Variants in ZNF385B observed in about 807,000 individuals in gnomAD.
ZNF385B encodes the protein zinc finger protein 385B.
In ZNF385B, 23 loss-of-function variants were observed where a neutral mutation model predicts 39.2. The observed-to-expected ratio is 0.59, with a 90% CI of 0.42 to 0.83. ZNF385B has a LOEUF of 0.83. Ranked by LOEUF, ZNF385B falls within the 40% of genes least tolerant of loss-of-function variation. The probability of loss-of-function intolerance (pLI) is 0.00; values close to 1 mark genes in which losing one functional copy is unlikely to be tolerated. For synonymous variants in ZNF385B, 205 were observed against 222.6 expected, an observed-to-expected ratio of 0.92 and a Z score of 0.70; for missense variants, 552 against 598.9, an observed-to-expected ratio of 0.92 and a Z score of 0.82.
intron 3 of ZNF385B, among the ~76,000 whole-genome samples, chr2:179,560,621 T>A (rs1411318141): frequency 6.6e-6 from 1 of 152,108 alleles, no homozygotes; most frequent in African/African-American, 2.4e-5. Context: ...TTCCCACCTG[T>A]CTTTTCTGCC....
At chr2:179,829,721 G>T (rs1319759000) in intron 1 of ZNF385B, among the ~76,000 whole-genome samples, 1 of 152,128 alleles carries the variant, frequency 6.6e-6, no homozygotes, top group South Asian at 2.1e-4. Context: ...CACCGTGTTA[G>T]CCACGATGGT....
intron 6 of ZNF385B, among the ~76,000 whole-genome samples, chr2:179,454,143 T>A (rs2050438861): frequency 6.6e-6 from 1 of 152,184 alleles, no homozygotes; most frequent in African/African-American, 2.4e-5. Flanking sequence ...TCTGACAATG[T>A]CTTTGAGGAA....
Position 179,820,937 on chromosome 2 carries a change from A to G in ZNF385B, c.-155+40164T>C, listed in dbSNP as rs1707361341. 2.0e-5 allele frequency among the ~76,000 whole-genome samples: 3 copies of G among 152,168 alleles called. No homozygotes were observed. The South Asian group carries it at 6.2e-4, about 31-fold the overall frequency. On this transcript the variant is annotated intron_variant, in intron 1 of 9. Transcript: ENST00000410066. The stretch of plus-strand genomic sequence containing the variant: ...TTGGTAAGTCTACACTTACTATGCC[A>G]CATTTATTTTTCATATTCCTATTCT...
chr2:179,699,574 C>A (rs915609409), intron 3 of ZNF385B, among the ~76,000 whole-genome samples: 1 of 152,064 alleles, frequency 6.6e-6, no homozygotes, highest in Non-Finnish European at 1.5e-5. Flanking sequence ...TTGGATAATT[C>A]CTGCTTTCAA....
At chr2:179,550,179 C>G (rs2060480316) in intron 3 of ZNF385B, among the ~76,000 whole-genome samples, 1 of 149,408 alleles carries the variant, frequency 6.7e-6, no homozygotes, top group Non-Finnish European at 1.5e-5. Flanking sequence ...AAGGTATAGA[C>G]TAATTGTACT....
At chr2:179,534,094 T>A (rs2059420523) in intron 4 of ZNF385B, among the ~76,000 whole-genome samples, 2 of 152,210 alleles carry the variant, frequency 1.3e-5, no homozygotes, top group African/African-American at 4.8e-5. Context: ...TCTTTAAGTA[T>A]GCTCTAGCAT....
At chr2:179,576,817 T>C (rs1685876551) in intron 3 of ZNF385B, among the ~76,000 whole-genome samples, 1 of 152,182 alleles carries the variant, frequency 6.6e-6, no homozygotes, top group Non-Finnish European at 1.5e-5. Context: ...CTCTAAGCCA[T>C]ATCCACATGG....
chr2:179,528,695 G>A lies in ZNF385B; in HGVS notation c.442-10057C>T, dbSNP rs1295192840. Among the ~76,000 whole-genome samples, 9 of 152,112 alleles carry A rather than the reference G, an allele frequency of 5.9e-5. No individual in the cohort carries two copies. The East Asian group carries it at 9.7e-4, about 16-fold the overall frequency. ...TCTGAGTAGAAAAAAAAATTCTTAA[G>A]TTCTTCTTCAGACAATAGTTACTTT... On this transcript the variant is annotated intron_variant, in intron 4 of 9. Transcript: ENST00000410066.
chr2:179,614,703 G>T (rs1362249398), intron 3 of ZNF385B, among the ~76,000 whole-genome samples: 1 of 152,150 alleles, frequency 6.6e-6, no homozygotes, highest in Non-Finnish European at 1.5e-5. Flanking sequence ...ATTTCCAAAG[G>T]TCAACCCTAC....
At chr2:179,508,447 C>T (rs1334412039) in intron 5 of ZNF385B, among the ~76,000 whole-genome samples, 1 of 152,126 alleles carries the variant, frequency 6.6e-6, no homozygotes, top group Non-Finnish European at 1.5e-5. Flanking sequence ...TTTTCCAACT[C>T]CCAAGTGGCG....
chr2:179,538,171 A>C (rs2059703426), intron 4 of ZNF385B, among the ~76,000 whole-genome samples: 1 of 152,148 alleles, frequency 6.6e-6, no homozygotes, highest in African/African-American at 2.4e-5. Flanking sequence ...CCTAAGAAAT[A>C]TGGAATACAT....
intron 3 of ZNF385B, among the ~76,000 whole-genome samples, chr2:179,737,782 T>C (rs1022038500): frequency 2.6e-5 from 4 of 152,230 alleles, no homozygotes; most frequent in African/African-American, 9.6e-5. Flanking sequence ...CTATTATTAT[T>C]CTTGTTTTAC....
At chr2:179,446,414 A>T in intron 7 of ZNF385B, 111 bp downstream of exon 7, 1 of 1,410,978 alleles carries the variant, frequency 7.1e-7, no homozygotes, top group Non-Finnish European at 9.4e-7. Flanking sequence ...TCAAAAAAGT[A>T]GAGAAGCATG....
At chr2:179,793,207 A>G (rs1275860136) in intron 1 of ZNF385B, among the ~76,000 whole-genome samples, 1 of 152,222 alleles carries the variant, frequency 6.6e-6, no homozygotes, top group Non-Finnish European at 1.5e-5. Flanking sequence ...AAAATCAGAC[A>G]TGAACCCAGA....
intron 1 of ZNF385B, chr2:179,796,113 C>T (rs867709319): frequency 1.3e-5 from 2 of 152,130 alleles, no homozygotes; most frequent in Middle Eastern, 6.8e-3. Context: ...ACTCTTATAC[C>T]AATCTTGAGG....
At chr2:179,774,711 T>C (rs1704212602) in intron 1 of ZNF385B, among the ~76,000 whole-genome samples, 1 of 152,172 alleles carries the variant, frequency 6.6e-6, no homozygotes, top group African/African-American at 2.4e-5. Context: ...CCCACAGCTG[T>C]TTGCATTTTG....
intron 3 of ZNF385B, among the ~76,000 whole-genome samples, chr2:179,695,631 A>C (rs1030625423): frequency 9.9e-5 from 15 of 152,216 alleles, no homozygotes; most frequent in African/African-American, 3.6e-4. Context: ...GGGAAATACA[A>C]ATGAAAACCA....
At chr2:179,700,824 T>C (rs562795920) in intron 3 of ZNF385B, among the ~76,000 whole-genome samples, 1 of 152,174 alleles carries the variant, frequency 6.6e-6, no homozygotes, top group South Asian at 2.1e-4. Flanking sequence ...CCATCCTGGT[T>C]AACACGGTGA....
At chr2:179,803,322 C>CA (rs1447882500) in intron 1 of ZNF385B, among the ~76,000 whole-genome samples, 1 of 151,862 alleles carries the variant, frequency 6.6e-6, no homozygotes, top group Non-Finnish European at 1.5e-5. Flanking sequence ...TTATACTTAA[C>CA]AAAAAAACAG....
Sources: gnomAD v4.1 joint callset for allele counts (sites outside exome capture counted in the v4.1 genomes callset) on GRCh38, gnomAD v4.1.1 for gene constraint, MANE v1.5 for transcripts, NCBI Gene and HGNC (gene_info 2026-07-23, HGNC 2026-07-21) for gene names.